HERC4: variants seen among roughly 807,000 people sequenced by gnomAD.
HERC4 encodes HECT and RLD domain containing E3 ubiquitin protein ligase 4, also known as probable E3 ubiquitin-protein ligase HERC4.
A neutral mutation model predicts 124.3 loss-of-function variants in HERC4; 28 were observed. The ratio of observed to expected loss-of-function variants is 0.23; its 90% CI spans 0.17 to 0.31. The LOEUF (loss-of-function observed/expected upper bound fraction) is 0.31. HERC4 is among the 10% of genes least tolerant of loss of function. HERC4 has a pLI of 1.00. For missense variants in HERC4, 713 were observed against 1,229.3 expected, an observed-to-expected ratio of 0.58 and a Z score of 6.28; for synonymous variants, 407 against 421.5, an observed-to-expected ratio of 0.97 and a Z score of 0.42.
Position 68,026,751 on chromosome 10 carries a change from G to A in HERC4, c.778-1075C>T, listed in dbSNP as rs577101505. Among the ~76,000 whole-genome samples the A allele has an allele frequency of 1.2e-4, 19 of 152,186 alleles. No homozygotes were observed. The East Asian group carries it at 3.7e-3, about 30-fold the overall frequency. On this transcript the variant is annotated intron_variant, in intron 7 of 24. Transcript: ENST00000373700. ...CCAGCTACTTGGGAGGCTGAGGCAG[G>A]AGAATTGCCTGAACCCGGGAGGCAG...
intron 9 of HERC4, among the ~76,000 whole-genome samples, chr10:67,999,410 C>G (rs985877187): frequency 1.3e-5 from 2 of 152,166 alleles, no homozygotes; most frequent in African/African-American, 2.4e-5. Context: ...GAAGACTCTC[C>G]TACAAGCTAC....
chr10:68,035,019 A>C (rs2039384675), intron 5 of HERC4, among the ~76,000 whole-genome samples: 1 of 152,126 alleles, frequency 6.6e-6, no homozygotes, highest in Admixed American at 6.6e-5. Flanking sequence ...CTTTTATTAA[A>C]CTAACAACTG....
At chr10:67,949,205 A>G (rs2033615435) in intron 19 of HERC4, among the ~76,000 whole-genome samples, 1 of 151,928 alleles carries the variant, frequency 6.6e-6, no homozygotes, top group Non-Finnish European at 1.5e-5. Context: ...AATCGCTTGA[A>G]CCCAGGAGGC....
At chr10:68,057,994 C>A (rs2040640641) in intron 3 of HERC4, among the ~76,000 whole-genome samples, 1 of 152,150 alleles carries the variant, frequency 6.6e-6, no homozygotes, top group Non-Finnish European at 1.5e-5. Flanking sequence ...AGCCACCATG[C>A]CTGGCCACCT....
intron 3 of HERC4, among the ~76,000 whole-genome samples, chr10:68,067,412 T>C (rs2041352976): frequency 6.6e-6 from 1 of 152,198 alleles, no homozygotes; most frequent in South Asian, 2.1e-4. Context: ...TTCTCTTCCT[T>C]AGAAGGTATT....
intron 9 of HERC4, among the ~76,000 whole-genome samples, chr10:68,006,208 C>A (rs780009817): frequency 6.6e-6 from 1 of 152,124 alleles, no homozygotes; most frequent in Admixed American, 6.5e-5. Context: ...GTAGTGCGCA[C>A]ACCACAATGT....
At chr10:68,063,245 T>C (rs1382381899) in intron 3 of HERC4, among the ~76,000 whole-genome samples, 1 of 152,204 alleles carries the variant, frequency 6.6e-6, no homozygotes, top group Non-Finnish European at 1.5e-5. Context: ...AGTCTCGCTC[T>C]GTAACCCAGG....
At chr10:67,994,320 C>T (rs1372931438) in intron 9 of HERC4, 2 of 152,212 alleles carry the variant, frequency 1.3e-5, no homozygotes, top group African/African-American at 4.8e-5. Context: ...ATTGTGCCCT[C>T]TATAAACAAT....
chr10:68,007,081 T>C (rs1376390836), intron 9 of HERC4, among the ~76,000 whole-genome samples: 2 of 152,212 alleles, frequency 1.3e-5, no homozygotes, highest in African/African-American at 2.4e-5. Flanking sequence ...TCTCTCCTTC[T>C]ACCTCCTCTT....
chr10:67,933,884 A>AT (rs1195591727), intron 22 of HERC4, among the ~76,000 whole-genome samples: 1 of 152,142 alleles, frequency 6.6e-6, no homozygotes, highest in African/African-American at 2.4e-5. Flanking sequence ...ACATCAACTA[A>AT]TTTATTTAAA....
intron 19 of HERC4, among the ~76,000 whole-genome samples, chr10:67,942,579 T>C (rs1455918620): frequency 2.0e-5 from 3 of 152,150 alleles, no homozygotes; most frequent in African/African-American, 7.2e-5. Context: ...TGACGCGATC[T>C]TGGCTCACGG....
chr10:68,028,623 C>G (rs572917926), intron 7 of HERC4, among the ~76,000 whole-genome samples: 1 of 152,152 alleles, frequency 6.6e-6, no homozygotes, highest in Non-Finnish European at 1.5e-5. Flanking sequence ...TTCATCACTT[C>G]TAGGACCTTT....
intron 3 of HERC4, among the ~76,000 whole-genome samples, chr10:68,059,838 TATA>T (rs1288862339): frequency 1.8e-5 from 1 of 54,520 alleles, no homozygotes; most frequent in Non-Finnish European, 2.4e-5. Flanking sequence ...TATTATATAT[TATA>T]ATATATTATA....
At chr10:68,028,852 T>C (rs1008542550) in intron 7 of HERC4, among the ~76,000 whole-genome samples, 9 of 152,160 alleles carry the variant, frequency 5.9e-5, no homozygotes, top group Admixed American at 3.9e-4. Context: ...ATGTAATATA[T>C]TGGAATTTAT....
intron 23 of HERC4, among the ~76,000 whole-genome samples, chr10:67,930,025 T>C (rs970029166): frequency 6.6e-6 from 1 of 152,008 alleles, no homozygotes; most frequent in Non-Finnish European, 1.5e-5. Flanking sequence ...AGGGTGGTCT[T>C]GAACTCCCAA....
chr10:67,971,734 G>A (rs2035247635), intron 15 of HERC4, among the ~76,000 whole-genome samples: 1 of 138,502 alleles, frequency 7.2e-6, no homozygotes, highest in Non-Finnish European at 1.5e-5. Context: ...TTAGGAACTA[G>A]GCAAGAATGA....
chr10:67,938,162 G>A (rs2032535721), intron 21 of HERC4, among the ~76,000 whole-genome samples: 1 of 151,914 alleles, frequency 6.6e-6, no homozygotes, highest in Non-Finnish European at 1.5e-5. Context: ...TAAAAAAGAG[G>A]CCAGGTGCTG....
At chr10:68,023,925 A>C (rs181529720) in intron 8 of HERC4, among the ~76,000 whole-genome samples, 8 of 152,294 alleles carry the variant, frequency 5.3e-5, no homozygotes, top group African/African-American at 1.9e-4. Flanking sequence ...ATTTCTTAGA[A>C]AATAAATGGC....
chr10:68,018,993 CTTTT>C (rs35817479), intron 8 of HERC4, among the ~76,000 whole-genome samples: 1 of 88,014 alleles, frequency 1.1e-5, no homozygotes, highest in Non-Finnish European at 2.1e-5. Flanking sequence ...AGCATTCTTT[CTTTT>C]TTTTTTTTTT....
Sources: allele counts gnomAD v4.1 joint callset (sites outside exome capture counted in the v4.1 genomes callset), GRCh38; gene constraint gnomAD v4.1.1; transcripts MANE v1.5; gene names NCBI Gene and HGNC (gene_info 2026-07-23, HGNC 2026-07-21).